NALF1: variants seen among roughly 807,000 people sequenced by gnomAD.
NALF1 encodes the protein NALCN channel auxiliary factor 1.
A neutral mutation model predicts 48.4 loss-of-function variants in NALF1; 3 were observed. The ratio of observed to expected loss-of-function variants is 0.06; its 90% CI spans 0.03 to 0.16. NALF1 has a LOEUF of 0.16. Among genes scored for constraint, NALF1 ranks in the 10% least tolerant of loss-of-function variants. The pLI is 1.00. For missense variants in NALF1, 526 were observed against 571.5 expected (o/e 0.92, Z 0.81); for synonymous variants, 262 against 245.7 (o/e 1.07, Z -0.62).
chr13:107,777,847 A>G (rs1044133769), intron 1 of NALF1, among the ~76,000 whole-genome samples: 1 of 152,204 alleles, frequency 6.6e-6, no homozygotes, highest in African/African-American at 2.4e-5. Context: ...TTGAGGGGAA[A>G]AAAGCTTTCA....
intron 1 of NALF1, among the ~76,000 whole-genome samples, chr13:107,451,796 T>C (rs1229942541): frequency 6.6e-6 from 1 of 152,214 alleles, no homozygotes; most frequent in African/African-American, 2.4e-5. Context: ...CTAAGTGACA[T>C]CTCTGATACT....
At chr13:107,268,791 G>C (rs913910049) in intron 1 of NALF1, among the ~76,000 whole-genome samples, 6 of 152,142 alleles carry the variant, frequency 3.9e-5, no homozygotes, top group Non-Finnish European at 8.8e-5. Context: ...CAGTGTGTTT[G>C]GAGGCACGAA....
intron 1 of NALF1, among the ~76,000 whole-genome samples, chr13:107,666,791 G>C (rs905682116): frequency 6.6e-6 from 1 of 151,916 alleles, no homozygotes; most frequent in Non-Finnish European, 1.5e-5. Context: ...TTTTTGTAAA[G>C]TATCAATAAT....
chr13:107,198,903 T>C (rs913887941), intron 2 of NALF1, among the ~76,000 whole-genome samples: 1 of 152,224 alleles, frequency 6.6e-6, no homozygotes, highest in Non-Finnish European at 1.5e-5. Flanking sequence ...TACGCTGTTA[T>C]GGGAAGAATT....
intron 2 of NALF1, among the ~76,000 whole-genome samples, chr13:107,192,951 TTC>T (rs988346036): frequency 6.6e-6 from 1 of 151,610 alleles, no homozygotes; most frequent in African/African-American, 2.4e-5. Context: ...TTTATATATG[TTC>T]TTAGTAACAT....
At chr13:107,486,370 T>G in intron 1 of NALF1, among the ~76,000 whole-genome samples, 1 of 152,280 alleles carries the variant, frequency 6.6e-6, no homozygotes, top group Non-Finnish European at 1.5e-5. Context: ...AAAGGAATTC[T>G]TAGGGGAAAG....
chr13:107,772,271 G>T (rs995939755), intron 1 of NALF1, among the ~76,000 whole-genome samples: 2 of 152,064 alleles, frequency 1.3e-5, no homozygotes, highest in South Asian at 2.1e-4. Flanking sequence ...CTGCGGACTT[G>T]CCCTGAGTTC....
intron 1 of NALF1, among the ~76,000 whole-genome samples, chr13:107,414,215 T>G (rs943496191): frequency 6.6e-6 from 1 of 152,068 alleles, no homozygotes; most frequent in South Asian, 2.1e-4. Flanking sequence ...CATATATATA[T>G]AGAACTTTTA....
chr13:107,190,653 GA>G (rs1879261464), intron 2 of NALF1, among the ~76,000 whole-genome samples: 1 of 152,108 alleles, frequency 6.6e-6, no homozygotes, highest in African/African-American at 2.4e-5. Flanking sequence ...AAATGTTATA[GA>G]ACAGATAAGA....
intron 1 of NALF1, among the ~76,000 whole-genome samples, chr13:107,699,289 A>G (rs1288520898): frequency 6.6e-6 from 1 of 152,158 alleles, no homozygotes; most frequent in Non-Finnish European, 1.5e-5. Context: ...GAGAGACACT[A>G]CTTGGAAAGA....
intron 1 of NALF1, among the ~76,000 whole-genome samples, chr13:107,726,962 T>TGA (rs1228826046): frequency 2.2e-4 from 29 of 130,944 alleles, no homozygotes; most frequent in Non-Finnish European, 3.1e-4. Flanking sequence ...TGTGTGTGTG[T>TGA]GAAATGAAGA....
chr13:107,813,023 T>TG (rs1879045550), intron 1 of NALF1, among the ~76,000 whole-genome samples: 1 of 152,168 alleles, frequency 6.6e-6, no homozygotes, highest in African/African-American at 2.4e-5. Context: ...CCCAAAGTGC[T>TG]GGGATTACAG....
At position 107,786,446 on chromosome 13, in the gene NALF1, G is replaced by C. The variant is rs186896482; in HGVS notation, c.915+79236C>G. ...AAAAAAAAAAAAAAAAAAAAAAGCC[G>C]GGCGCGGTGGCTCACTCCTGTAATC... On this transcript the variant is annotated intron_variant, in intron 1 of 2. Transcript: ENST00000375915. Among the ~76,000 whole-genome samples, 1,270 of 134,328 alleles carry C rather than the reference G, an allele frequency of 9.5e-3. 12 individuals carry two copies. The highest frequency in any genetic ancestry group is 0.023 in the South Asian group (94 of 4,134). The allele number at this position is 134,328 out of a possible 152,430, so 88.1% of individuals were successfully genotyped here. A position where few individuals can be genotyped will look rare whatever the true frequency, so the allele number is the denominator to read the frequency against.
chr13:107,573,072 C>A (rs1004543979), intron 1 of NALF1, among the ~76,000 whole-genome samples: 8 of 152,114 alleles, frequency 5.3e-5, no homozygotes, highest in Non-Finnish European at 8.8e-5. Flanking sequence ...ACAACACACA[C>A]CTTCTTCTGA....
chr13:107,345,084 T>TAC (rs748499216), intron 1 of NALF1, among the ~76,000 whole-genome samples: 71 of 150,298 alleles, frequency 4.7e-4, no homozygotes, highest in South Asian at 2.3e-3. Context: ...TAATAGCAGC[T>TAC]ACACACACAC....
intron 1 of NALF1, among the ~76,000 whole-genome samples, chr13:107,695,969 T>TC (rs1881690834): frequency 6.6e-6 from 1 of 151,478 alleles, no homozygotes; most frequent in African/African-American, 2.4e-5. Flanking sequence ...CAACCTTAGC[T>TC]CACTGCAACC....
At chr13:107,197,208 A>C (rs1489175590) in intron 2 of NALF1, among the ~76,000 whole-genome samples, 2 of 152,190 alleles carry the variant, frequency 1.3e-5, no homozygotes, top group Non-Finnish European at 1.5e-5. Context: ...CCAGCCTCCA[A>C]AACTGTCAGA....
intron 1 of NALF1, among the ~76,000 whole-genome samples, chr13:107,727,634 C>T (rs1387540737): frequency 6.6e-6 from 1 of 152,120 alleles, no homozygotes; most frequent in Non-Finnish European, 1.5e-5. Context: ...GACTTCATGA[C>T]TAAAACACCA....
chr13:107,284,679 C>T (rs373961605), intron 1 of NALF1, among the ~76,000 whole-genome samples: 82 of 152,242 alleles, frequency 5.4e-4, no homozygotes, highest in African/African-American at 1.9e-3. Flanking sequence ...TAAAGGTGGG[C>T]CTCCATGATG....
Sources: allele counts gnomAD v4.1 joint callset (sites outside exome capture counted in the v4.1 genomes callset), GRCh38; gene constraint gnomAD v4.1.1; transcripts MANE v1.5; gene names NCBI Gene and HGNC (gene_info 2026-07-23, HGNC 2026-07-21).